The following NEBL variants were observed in gnomAD, a reference collection of about 807,000 sequenced individuals.
The protein encoded by NEBL is LIM and SH3 protein 2.
A neutral mutation model predicts 140.2 loss-of-function variants in NEBL; 122 were observed. The observed-to-expected ratio is 0.87, with a 90% CI of 0.75 to 1.01. NEBL has a LOEUF of 1.01. Among genes scored for constraint, NEBL ranks in the 50% least tolerant of loss-of-function variants. The probability of loss-of-function intolerance (pLI) is 0.00; values close to 1 mark genes in which losing one functional copy is unlikely to be tolerated. For synonymous variants in NEBL, 436 were observed against 398.9 expected (o/e 1.09, Z -1.11); for missense variants, 1,365 against 1,231.3 (o/e 1.11, Z -1.62).
intron 3 of NEBL, among the ~76,000 whole-genome samples, chr10:20,997,607 A>G (rs1837726974): frequency 6.6e-6 from 1 of 151,824 alleles, no homozygotes; most frequent in South Asian, 2.1e-4. Context: ...ACAAAGTATC[A>G]TTACACAGAA....
chr10:21,068,915 T>C (rs1372094485), intron 2 of NEBL, among the ~76,000 whole-genome samples: 1 of 152,194 alleles, frequency 6.6e-6, no homozygotes, highest in Non-Finnish European at 1.5e-5. Context: ...AGACTGATTC[T>C]CACTCTGTCA....
intron 5 of NEBL, among the ~76,000 whole-genome samples, chr10:20,879,005 C>G (rs752284827): frequency 2.6e-5 from 4 of 152,196 alleles, no homozygotes; most frequent in Non-Finnish European, 5.9e-5. Context: ...ACCAGACCAC[C>G]TTCTAACCCG....
Position 21,028,457 on chromosome 10 carries a change from C to T in NEBL, c.165-8256G>A, listed in dbSNP as rs532920120. Among the ~76,000 whole-genome samples the T allele has an allele frequency of 2.8e-3, 429 of 152,030 alleles. 4 individuals are homozygous for T. Among genetic ancestry groups the T allele is most frequent in the Non-Finnish European group, 3.0e-3 (204 of 67,984 alleles). Reference sequence around the variant, plus strand: ...CAAATAAAATGTAAATGTGCACACACGCATGCACAGGCACACACACAAACA... The same window carrying T: ...CAAATAAAATGTAAATGTGCACACATGCATGCACAGGCACACACACAAACA... On this transcript the variant is annotated intron_variant, in intron 2 of 6. Coordinates refer to the NEBL transcript ENST00000417816.
intron 3 of NEBL, among the ~76,000 whole-genome samples, chr10:21,190,434 T>C (rs1455347289): frequency 6.6e-6 from 1 of 152,152 alleles, no homozygotes; most frequent in East Asian, 1.9e-4. Context: ...CATTGAGCTA[T>C]GATTGAACCA....
At chr10:21,033,931 C>T (rs936792425) in intron 2 of NEBL, among the ~76,000 whole-genome samples, 4 of 151,510 alleles carry the variant, frequency 2.6e-5, no homozygotes, top group Admixed American at 6.6e-5. Context: ...TTTGGGAGGC[C>T]GAGGCGGGTG....
chr10:21,150,311 T>A (rs1322975126), intron 2 of NEBL, among the ~76,000 whole-genome samples: 3 of 152,218 alleles, frequency 2.0e-5, no homozygotes, highest in African/African-American at 7.2e-5. Context: ...TTCTGACAAA[T>A]TCTGCTCAGA....
At chr10:20,805,573 C>T (rs140799071) in intron 26 of NEBL, among the ~76,000 whole-genome samples, 1 of 152,156 alleles carries the variant, frequency 6.6e-6, no homozygotes, top group East Asian at 1.9e-4. Context: ...AACTTTTTGG[C>T]CAGGCACAGT....
Position 20,852,469 on chromosome 10 carries a change from G to A in NEBL, c.1008+76C>T, listed in dbSNP as rs41277372. On this transcript the variant is annotated intron_variant, in intron 10 of 27. Coordinates refer to ENST00000377122, the MANE Select transcript of NEBL (RefSeq NM_006393.3). ...CTGTACTTTCTCAGTTAAGACGCAC[G>A]GCAGTGAGCGGCGGGCCTCAGGATG... 32,718 of 900,516 alleles carry A rather than the reference G, an allele frequency of 0.036. 747 individuals carry two copies. The highest frequency in any genetic ancestry group is 0.048 in the Non-Finnish European group (25,668 of 537,866). The allele number at this position is 900,516 out of a possible 1,614,324, so 55.8% of individuals were successfully genotyped here.
chr10:20,872,841 G>T lies in NEBL; in HGVS notation c.481-3000C>A, dbSNP rs185692112. Among the ~76,000 whole-genome samples the T allele has an allele frequency of 3.3e-5, 5 of 152,248 alleles. No individual in the cohort carries two copies. The East Asian group carries it at 5.8e-4, about 18-fold the overall frequency. On this transcript the variant is annotated intron_variant, in intron 5 of 27. Coordinates refer to ENST00000377122, the MANE Select transcript of NEBL (RefSeq NM_006393.3). ...CAACATCAGGCCGGTACCCTACATG[G>T]TCTAAAAAGGGGAGGCATGAATAAT... is the stretch of plus-strand genomic sequence containing the variant.
At chr10:20,859,916 A>T (rs1843498895) in intron 7 of NEBL, 90 bp from the exon 8 acceptor site, 1 of 679,984 alleles carries the variant, frequency 1.5e-6, no homozygotes, top group Non-Finnish European at 2.5e-6. Context: ...CTACCTTAAA[A>T]ATGAATGTTG....
intron 4 of NEBL, among the ~76,000 whole-genome samples, chr10:20,943,545 T>A (rs1457617513): frequency 6.6e-6 from 1 of 152,014 alleles, no homozygotes; most frequent in Non-Finnish European, 1.5e-5. Flanking sequence ...CATATGCAAC[T>A]AACCTGCATG....
chr10:20,817,029 G>A (rs960597220), intron 21 of NEBL, among the ~76,000 whole-genome samples: 1 of 152,046 alleles, frequency 6.6e-6, no homozygotes, highest in Admixed American at 6.6e-5. Flanking sequence ...TGGGACTTGA[G>A]GAGACCATAG....
intron 3 of NEBL, among the ~76,000 whole-genome samples, chr10:21,001,222 A>C (rs1220372999): frequency 1.3e-5 from 2 of 152,144 alleles, no homozygotes; most frequent in African/African-American, 4.8e-5. Context: ...AAAAGCTAAC[A>C]GCACCTGGTT....
intron 2 of NEBL, among the ~76,000 whole-genome samples, chr10:21,049,833 T>C (rs1834692605): frequency 6.6e-6 from 1 of 152,206 alleles, no homozygotes; most frequent in Non-Finnish European, 1.5e-5. Context: ...GTGAACTGTC[T>C]ATTACAGAAA....
chr10:20,797,283 T>C (rs965985515), intron 26 of NEBL, among the ~76,000 whole-genome samples: 3 of 152,216 alleles, frequency 2.0e-5, no homozygotes, highest in African/African-American at 4.8e-5. Context: ...GAAATATGTA[T>C]TGGATCAATG....
chr10:20,980,358 C>A (rs1836986538), intron 3 of NEBL, among the ~76,000 whole-genome samples: 1 of 150,320 alleles, frequency 6.7e-6, no homozygotes, highest in East Asian at 2.0e-4. Flanking sequence ...AAAAAAGTTT[C>A]TTTTTGTTCA....
chr10:21,087,335 G>A (rs1362261883), intron 2 of NEBL, among the ~76,000 whole-genome samples: 1 of 152,128 alleles, frequency 6.6e-6, no homozygotes, highest in Non-Finnish European at 1.5e-5. Flanking sequence ...AGCCTGGCTT[G>A]TTAGGGTACA....
chr10:20,993,391 G>A (rs1029565886), intron 3 of NEBL, among the ~76,000 whole-genome samples: 1 of 152,096 alleles, frequency 6.6e-6, no homozygotes, highest in Non-Finnish European at 1.5e-5. Context: ...ACAAGGGCAG[G>A]GAATTTTTAA....
rs1407392997 is a variant in NEBL at position 20,783,566 on chromosome 10, T to A, written c.*2181A>T. The A allele has an allele frequency of 1.3e-5, 2 of 152,340 alleles. No homozygotes were observed. The highest frequency in any genetic ancestry group is 4.8e-5 in the African/African-American group (2 of 41,468). 9.4% of individuals were successfully genotyped at this position (152,340 alleles called of 1,614,324 possible). On this transcript the variant is annotated 3_prime_UTR_variant, in exon 28 of 28. Transcript: ENST00000377122. ...AAGCATTATTTCAAGTCAGTTTTCA[T>A]TGCGGTTCTTATAAATGTGCTATTT...
Sources: gnomAD v4.1 joint callset for allele counts (sites outside exome capture counted in the v4.1 genomes callset) on GRCh38, gnomAD v4.1.1 for gene constraint, MANE v1.5 for transcripts, NCBI Gene and HGNC (gene_info 2026-07-23, HGNC 2026-07-21) for gene names.